Variants in AKAP1 observed in about 807,000 individuals in gnomAD.
The protein encoded by AKAP1 is A-kinase anchor protein 1, mitochondrial.
A neutral mutation model predicts 79.8 loss-of-function variants in AKAP1; 32 were observed. The observed-to-expected ratio is 0.40, with a 90% confidence interval of 0.30 to 0.54. The LOEUF is 0.54. Among genes scored for constraint, AKAP1 ranks in the 20% least tolerant of loss-of-function variants. The pLI is 0.47. For missense variants in AKAP1, 961 were observed against 1,138.9 expected, an observed-to-expected ratio of 0.84 and a Z score of 2.25; for synonymous variants, 416 against 466.7, an observed-to-expected ratio of 0.89 and a Z score of 1.40.
At chr17:57,115,394 C>T (rs1287782018) in intron 6 of AKAP1, among the ~76,000 whole-genome samples, 1 of 152,186 alleles carries the variant, frequency 6.6e-6, no homozygotes, top group Non-Finnish European at 1.5e-5. Context: ...TGAACTGGAG[C>T]CTGAGGGGTA....
chr17:57,092,098 T>A (rs1913819756), intron 1 of AKAP1: 1 of 152,040 alleles, frequency 6.6e-6, no homozygotes. Context: ...CTGATTCCTC[T>A]GGCTTAAACC....
In AKAP1 at chr17:57,114,569, C is replaced by T. The variant is rs1027745737; in HGVS notation, c.2214C>T (p.Ser738=). The part of the protein sequence containing the change: ...HTHPTFHALR[S]LDQQMYLCYS... Reference sequence around the variant, plus strand: ...ACCCTACCTTCCACGCGCTGCGCAGCCTCGACCAGCAGATGTACCTCTGTT... The same window carrying T: ...ACCCTACCTTCCACGCGCTGCGCAGTCTCGACCAGCAGATGTACCTCTGTT... The change falls in exon 6 of 11, where the codon AGC becomes AGT. Residue 738 remains serine, a synonymous_variant. Transcript: ENST00000337714. 3 of 1,614,200 alleles carry T rather than the reference C, an allele frequency of 1.9e-6. No homozygotes were observed. The highest frequency in any genetic ancestry group is 2.5e-6 in the Non-Finnish European group (3 of 1,180,042).
At chr17:57,118,758 G>C (rs79532609) in intron 9 of AKAP1, among the ~76,000 whole-genome samples, 2,875 of 152,240 alleles carry the variant, frequency 0.019, 86 homozygotes, top group African/African-American at 0.066. Context: ...GGGCAGGCAA[G>C]AGACAGTATG....
chr17:57,097,236 C>G (rs1047055402), intron 1 of AKAP1, among the ~76,000 whole-genome samples: 1 of 143,936 alleles, frequency 6.9e-6, no homozygotes, highest in African/African-American at 2.7e-5. Context: ...AATCCTGGCC[C>G]TCTTTGAGAA....
intron 1 of AKAP1, among the ~76,000 whole-genome samples, chr17:57,104,160 G>A (rs1170083326): frequency 2.6e-5 from 4 of 152,174 alleles, no homozygotes; most frequent in Admixed American, 6.6e-5. Context: ...GGGTTTCACC[G>A]TGTTGCCCAG....
At chr17:57,109,247 T>A (rs546845288) in intron 2 of AKAP1, among the ~76,000 whole-genome samples, 7 of 152,192 alleles carry the variant, frequency 4.6e-5, no homozygotes, top group Non-Finnish European at 8.8e-5. Flanking sequence ...ACCCGCTTTT[T>A]TGTGACGGTC....
intron 10 of AKAP1, among the ~76,000 whole-genome samples, chr17:57,119,828 C>CTTTTTTTTTTTTTTTTTTTTTTTTTT (rs1915807963): frequency 4.9e-5 from 2 of 40,528 alleles, no homozygotes; most frequent in Non-Finnish European, 9.4e-5. Context: ...CACCCTGTTA[C>CTTTTTTTTTTTTTTTTTTTTTTTTTT]TCTTTTTTTT....
Position 57,086,360 on chromosome 17 carries a change from G to A in AKAP1, c.-25+962G>A, listed in dbSNP as rs1913454724. 1 of 449,392 alleles carries A rather than the reference G, an allele frequency of 2.2e-6. No individual in the cohort carries two copies. The highest frequency in any genetic ancestry group is 4.5e-6 in the Non-Finnish European group (1 of 224,562). 27.8% of individuals were successfully genotyped at this position (449,392 alleles called of 1,614,324 possible). ...TTGTGCCCTAGCTGAAGGTCTTCCT[G>A]TTTCCCTTCCAGGGAGGGATAGGAG... On this transcript the variant is annotated intron_variant, in intron 1 of 10. Coordinates refer to ENST00000337714, the MANE Select transcript of AKAP1 (RefSeq NM_003488.4). This position sits in a 1 kb window ranked among gnomAD's most constrained non-coding sequence, Gnocchi z 5.1.
At chr17:57,109,994 G>T (rs200208634) in intron 2 of AKAP1, 31 bp from the exon 3 acceptor site, 2 of 1,611,598 alleles carry the variant, frequency 1.2e-6, no homozygotes, top group African/African-American at 2.7e-5. Flanking sequence ...GGGTCTGTGT[G>T]TGTGCGTGCC....
rs555487975 is a variant in AKAP1 at position 57,099,045 on chromosome 17, G to A, written c.-24-6396G>A. 5.9e-4 allele frequency among the ~76,000 whole-genome samples: 89 copies of A among 152,106 alleles called. 1 individual carries two copies. Among genetic ancestry groups the A allele is most frequent in the African/African-American group, 1.9e-3 (80 of 41,498 alleles). ...CTCCCAAAGTGCTGGGATTACAGGC[G>A]TGAGCCACCGCACCTAGCCTAGCTG... On this transcript the variant is annotated intron_variant, in intron 1 of 10. Transcript: ENST00000337714.
At chr17:57,093,731 G>A (rs11657718) in intron 1 of AKAP1, 3,202 of 152,258 alleles carry the variant, frequency 0.021, 47 homozygotes, top group Non-Finnish European at 0.03. Flanking sequence ...TTTTGACTGT[G>A]TACAAGGCTT....
At chr17:57,114,438 G>A (rs368351756) in intron 5 of AKAP1, 21 bp from the exon 6 acceptor site, 70 of 1,610,286 alleles carry the variant, frequency 4.3e-5, no homozygotes, top group Non-Finnish European at 5.3e-5. Context: ...TTCAGTGACC[G>A]CTCCCCCTTC....
Position 57,105,454 on chromosome 17 carries a change from A to G in AKAP1, c.-11A>G. 2.5e-6 allele frequency: 4 copies of G among 1,613,850 alleles called. No individual in the cohort carries two copies. The highest frequency in any genetic ancestry group is 3.4e-6 in the Non-Finnish European group (4 of 1,179,984). ...TGCTCTCCCCAGGTGTAATTACTTC[A>G]AGCCTCCAGGATGGCAATCCAGTTC... On this transcript the variant is annotated 5_prime_UTR_variant, in exon 2 of 11. Coordinates refer to ENST00000337714, the MANE Select transcript of AKAP1 (RefSeq NM_003488.4).
rs115395720 is a variant in AKAP1 at position 57,120,455 on chromosome 17, C to A, written c.*131C>A. ...GTCCTTTCTTTCTCCATACTGTAGT[C>A]CTATTGAGAAGACATTTCGTCTCTG... is the stretch of plus-strand genomic sequence containing the variant. On this transcript the variant is annotated 3_prime_UTR_variant, in exon 11 of 11. Coordinates refer to ENST00000337714, the MANE Select transcript of AKAP1 (RefSeq NM_003488.4). The A allele has an allele frequency of 3.0e-3, 2,162 of 720,958 alleles. 28 individuals carry two copies. The African/African-American group carries it at 0.034, about 11-fold the overall frequency. 44.7% of individuals were successfully genotyped at this position (720,958 alleles called of 1,614,324 possible). A position where few individuals can be genotyped will look rare whatever the true frequency, so the allele number is the denominator to read the frequency against.
At chr17:57,107,212 GCGCT>G (rs1402411075) in intron 2 of AKAP1, 34 bp downstream of exon 2, 2 of 1,547,996 alleles carry the variant, frequency 1.3e-6, no homozygotes, top group Admixed American at 2.0e-5. Flanking sequence ...AGAGGATGGG[GCGCT>G]CCCAGTATTT....
intron 1 of AKAP1, among the ~76,000 whole-genome samples, chr17:57,097,846 T>C (rs1914219067): frequency 6.6e-6 from 1 of 152,376 alleles, no homozygotes. Flanking sequence ...CAAGCCCACA[T>C]TGGGCTTGTT....
Position 57,106,571 on chromosome 17 carries a change from C to T in AKAP1, c.1107C>T (p.Gly369=), listed in dbSNP as rs760631103. Residue 369 remains glycine, a synonymous_variant, in exon 2 of 11, where the codon GGC becomes GGT. Transcript: ENST00000337714. ...AACAGGTGCTGGCCACCACGGTTGG[C>T]AAGGTTGCAGGTCGTGTGTGTCAGG... ...ATEQVLATTV[G]KVAGRVCQAS... The T allele has an allele frequency of 4.3e-6, 7 of 1,614,168 alleles. No homozygotes were observed. In the South Asian group the frequency reaches 7.7e-5, roughly 18 times the overall value.
rs1472636586 is a variant in AKAP1, at chr17:57,111,880, C to T, written c.1931C>T (p.Ser644Leu). The T allele has an allele frequency of 6.2e-7, 1 of 1,614,040 alleles. No homozygotes were observed. Among genetic ancestry groups the T allele is most frequent in the African/African-American group, 1.3e-5 (1 of 74,924 alleles). ...ACATCTGGTGCCAAGATCTACATTT[C>T]AACCCTGCCTTACACCCAGAGCGTC... Reference protein sequence around the residue: ...KQTSGAKIYISTLPYTQSVQI... With the variant: ...KQTSGAKIYILTLPYTQSVQI... The change falls in exon 4 of 11, where the codon TCA becomes TTA. Residue 644 changes from serine to leucine, a missense_variant. Physicochemically the swap from Ser to Leu is moderately radical, Grantham distance 145. This residue lies in a region of AKAP1 where 629 missense variants were observed against 781.1 expected (regional missense o/e 0.81). Transcript: ENST00000337714.
At chr17:57,119,165 C>T (rs925334570) in intron 10 of AKAP1, 121 bp downstream of exon 10, 9 of 1,084,290 alleles carry the variant, frequency 8.3e-6, no homozygotes, top group Non-Finnish European at 1.1e-5. Flanking sequence ...AGACAAGCAC[C>T]TCCTAGGGAA....
Sources: allele counts gnomAD v4.1 joint callset (sites outside exome capture counted in the v4.1 genomes callset), GRCh38; gene constraint gnomAD v4.1.1; regional missense constraint gnomAD v4.1.1; non-coding constraint Gnocchi (gnomAD v3.1); transcripts MANE v1.5; gene names NCBI Gene and HGNC (gene_info 2026-07-23, HGNC 2026-07-21).